Variants in PHACTR3 observed in about 807,000 individuals in gnomAD.
PHACTR3 encodes protein phosphatase 1, regulatory subunit 123.
Under a neutral mutation model 66.8 loss-of-function variants are expected in PHACTR3, and 16 were observed. The observed-to-expected ratio is 0.24, with a 90% CI of 0.16 to 0.36. PHACTR3 has a LOEUF of 0.36. PHACTR3 is among the 10% of genes least tolerant of loss of function. PHACTR3 has a pLI of 1.00. For synonymous variants in PHACTR3, 323 were observed against 292.1 expected, an observed-to-expected ratio of 1.11 and a Z score of -1.08; for missense variants, 647 against 719.9, an observed-to-expected ratio of 0.90 and a Z score of 1.16.
chr20:59,677,408 T>G (rs998733846), intron 1 of PHACTR3, among the ~76,000 whole-genome samples: 1 of 152,208 alleles, frequency 6.6e-6, no homozygotes, highest in Non-Finnish European at 1.5e-5. Context: ...ACATTTGGTA[T>G]CATTTGTGGA....
At chr20:59,756,700 T>A (rs2039807857) in intron 4 of PHACTR3, among the ~76,000 whole-genome samples, 1 of 151,914 alleles carries the variant, frequency 6.6e-6, no homozygotes, top group Admixed American at 6.5e-5. Flanking sequence ...TACTTTAAGT[T>A]CTAGGGTACA....
chr20:59,659,992 TTC>T (rs1190267737), intron 1 of PHACTR3, among the ~76,000 whole-genome samples: 1 of 152,158 alleles, frequency 6.6e-6, no homozygotes, highest in Non-Finnish European at 1.5e-5. Context: ...CTGGAGAGGT[TTC>T]TCCCAGCTGT....
intron 8 of PHACTR3, among the ~76,000 whole-genome samples, chr20:59,812,795 T>G (rs1421677196): frequency 6.6e-6 from 1 of 152,130 alleles, no homozygotes; most frequent in African/African-American, 2.4e-5. Flanking sequence ...TAATAGCATC[T>G]GAGAGGGTCT....
chr20:59,788,946 G>A (rs1328970524), intron 7 of PHACTR3, among the ~76,000 whole-genome samples: 1 of 152,214 alleles, frequency 6.6e-6, no homozygotes, highest in Non-Finnish European at 1.5e-5. Flanking sequence ...CCAGAGTCTG[G>A]TGTCGGCATC....
At chr20:59,802,436 A>G (rs1411929410) in intron 7 of PHACTR3, among the ~76,000 whole-genome samples, 4 of 152,180 alleles carry the variant, frequency 2.6e-5, no homozygotes, top group African/African-American at 9.7e-5. Context: ...CTGCAAGGAG[A>G]GAGAAGAGAG....
Position 59,829,399 on chromosome 20 carries a change from G to T in PHACTR3, c.1329-7106G>T, listed in dbSNP as rs1233537016. Among the ~76,000 whole-genome samples, 2 of 152,178 alleles carry T rather than the reference G, an allele frequency of 1.3e-5. No homozygotes were observed. Among genetic ancestry groups the T allele is most frequent in the Non-Finnish European group, 2.9e-5 (2 of 68,024 alleles). On this transcript the variant is annotated intron_variant, in intron 8 of 12. Transcript: ENST00000371015. This position sits in a 1 kb window ranked among gnomAD's most constrained non-coding sequence, Gnocchi z 4.2. Reference sequence around the variant, plus strand: ...TTCATCATCCAGGCCTCATCTTATGGCCTGGAGAGTCCTCTTCTCTTCCTG... The same window carrying T: ...TTCATCATCCAGGCCTCATCTTATGTCCTGGAGAGTCCTCTTCTCTTCCTG...
chr20:59,587,621 T>C (rs570177678), intron 1 of PHACTR3, among the ~76,000 whole-genome samples: 3 of 152,212 alleles, frequency 2.0e-5, no homozygotes, highest in Non-Finnish European at 4.4e-5. Context: ...AGCGCTGTGC[T>C]GTTTGCCAGA....
At chr20:59,680,976 G>A (rs573804619) in intron 1 of PHACTR3, among the ~76,000 whole-genome samples, 1 of 152,350 alleles carries the variant, frequency 6.6e-6, no homozygotes, top group South Asian at 2.1e-4. Flanking sequence ...GATGTCAGGT[G>A]TGTTTACCCT....
Position 59,738,156 on chromosome 20 carries a change from C to A in PHACTR3, c.119-4951C>A, listed in dbSNP as rs1031277471. Reference sequence around the variant, plus strand: ...AAGAAGGAGACACCATACCCCCCAGCAAGGCCCTGGCAAAGGGGATGCAGG... The same window carrying A: ...AAGAAGGAGACACCATACCCCCCAGAAAGGCCCTGGCAAAGGGGATGCAGG... On this transcript the variant is annotated intron_variant, in intron 1 of 12. Coordinates refer to ENST00000371015, the MANE Select transcript of PHACTR3 (RefSeq NM_080672.5). This position sits in a 1 kb window ranked among gnomAD's most constrained non-coding sequence, Gnocchi z 4.4. Among the ~76,000 whole-genome samples, 5 of 152,046 alleles carry A rather than the reference C, an allele frequency of 3.3e-5. No homozygotes were observed. The highest frequency in any genetic ancestry group is 6.5e-5 in the Admixed American group (1 of 15,274).
chr20:59,826,102 G>A (rs1471649274), intron 8 of PHACTR3, among the ~76,000 whole-genome samples: 1 of 151,618 alleles, frequency 6.6e-6, no homozygotes, highest in Non-Finnish European at 1.5e-5. Flanking sequence ...GAGCTTAGGG[G>A]ACTGTGTTGT....
intron 7 of PHACTR3, among the ~76,000 whole-genome samples, chr20:59,788,203 G>A (rs1420450037): frequency 1.3e-5 from 2 of 152,152 alleles, no homozygotes; most frequent in Non-Finnish European, 2.9e-5. Flanking sequence ...AACATACGAT[G>A]TTTGGTTTTC....
intron 1 of PHACTR3, among the ~76,000 whole-genome samples, chr20:59,733,340 A>G (rs1290188487): frequency 2.0e-5 from 3 of 152,144 alleles, no homozygotes; most frequent in Non-Finnish European, 4.4e-5. Context: ...CTAAAACTTG[A>G]TTTTGGAGGT....
chr20:59,676,936 G>A (rs952324466), intron 1 of PHACTR3, among the ~76,000 whole-genome samples: 1 of 151,806 alleles, frequency 6.6e-6, no homozygotes, highest in Non-Finnish European at 1.5e-5. Context: ...TCTGGGGTGA[G>A]GGGTGGGGGC....
intron 1 of PHACTR3, among the ~76,000 whole-genome samples, chr20:59,680,162 G>A (rs534013190): frequency 5.3e-5 from 8 of 152,154 alleles, no homozygotes; most frequent in South Asian, 2.1e-4. Flanking sequence ...GAAGGGTTCC[G>A]TGTGGGGATG....
chr20:59,822,670 C>G (rs2042084826), intron 8 of PHACTR3, among the ~76,000 whole-genome samples: 1 of 152,190 alleles, frequency 6.6e-6, no homozygotes, highest in African/African-American at 2.4e-5. Context: ...AGGACACTTT[C>G]AGATGGATTT....
chr20:59,843,196 T>G (rs2059095469), intron 11 of PHACTR3, among the ~76,000 whole-genome samples: 1 of 151,832 alleles, frequency 6.6e-6, no homozygotes, highest in East Asian at 1.9e-4. Context: ...TACAAAACAA[T>G]GATGAAAGAA....
chr20:59,614,588 T>C (rs2033967325), intron 1 of PHACTR3, among the ~76,000 whole-genome samples: 1 of 152,224 alleles, frequency 6.6e-6, no homozygotes, highest in Admixed American at 6.5e-5. Flanking sequence ...ACGGGAGCTG[T>C]GGCTATACGA....
At chr20:59,774,995 G>A (rs148088161) in intron 7 of PHACTR3, among the ~76,000 whole-genome samples, 159 of 152,344 alleles carry the variant, frequency 1.0e-3, no homozygotes, top group Non-Finnish European at 1.9e-3. Context: ...AAGTGCTGTG[G>A]ATGGGACAGG....
chr20:59,771,281 G>T (rs1235889169), intron 5 of PHACTR3, among the ~76,000 whole-genome samples: 1 of 152,156 alleles, frequency 6.6e-6, no homozygotes, highest in Non-Finnish European at 1.5e-5. Context: ...AGGGGCTGGG[G>T]GATGCTGCGT....
Sources: gnomAD v4.1 joint callset for allele counts (sites outside exome capture counted in the v4.1 genomes callset) on GRCh38, gnomAD v4.1.1 for gene constraint, Gnocchi (gnomAD v3.1) non-coding constraint, MANE v1.5 for transcripts, NCBI Gene and HGNC (gene_info 2026-07-23, HGNC 2026-07-21) for gene names.